AMDHD1: variants seen among roughly 807,000 people sequenced by gnomAD.
AMDHD1 encodes the protein amidohydrolase domain containing 1.
Under a neutral mutation model 44.1 loss-of-function variants are expected in AMDHD1, and 45 were observed. That is an observed-to-expected ratio of 1.02 (90% confidence interval 0.80 to 1.31). The LOEUF (loss-of-function observed/expected upper bound fraction) is 1.31. AMDHD1 is among the 50% of genes most tolerant of loss of function. AMDHD1 has a pLI of 0.00. For synonymous variants in AMDHD1, 206 were observed against 205.0 expected, an observed-to-expected ratio of 1.00 and a Z score of -0.04; for missense variants, 586 against 552.1, an observed-to-expected ratio of 1.06 and a Z score of -0.61.
chr12:95,966,604 C>G (rs567800823), intron 8 of AMDHD1, 96 bp downstream of exon 8: 2 of 1,435,590 alleles, frequency 1.4e-6, no homozygotes, highest in South Asian at 2.5e-5. Context: ...GTGTCAGACT[C>G]TGTCTGGACT....
intron 5 of AMDHD1, 56 bp from the exon 6 acceptor site, chr12:95,962,299 C>G: frequency 6.4e-7 from 1 of 1,572,492 alleles, no homozygotes; most frequent in Non-Finnish European, 8.6e-7. Context: ...AATGGAACTT[C>G]ATGGATTCGT....
In AMDHD1 at chr12:95,943,429, A is replaced by T. The variant is rs2080474993; in HGVS notation, c.31A>T (p.Asn11Tyr). 1.3e-6 allele frequency: 2 copies of T among 1,505,790 alleles called. No homozygotes were observed. Among genetic ancestry groups the T allele is most frequent in the Non-Finnish European group, 1.8e-6 (2 of 1,134,090 alleles). 93.3% of individuals were successfully genotyped at this position (1,505,790 alleles called of 1,614,324 possible). ...AAGCGGCCACAGCCTCCTGCTGGAG[A>T]ACGCGCAGCAAGTGGTGCTGGTGTG... Reference protein sequence around the residue: MASGHSLLLENAQQVVLVCAR... With the variant: MASGHSLLLEYAQQVVLVCAR... The change falls in exon 1 of 9, where the codon AAC becomes TAC. Residue 11 changes from asparagine (N) to tyrosine (Y), a missense_variant. Physicochemically the swap from Asn to Tyr is moderately radical, Grantham distance 143 (BLOSUM62 -2). Transcript: ENST00000266736.
chr12:95,956,901 G>A lies in AMDHD1; in HGVS notation c.526G>A (p.Ala176Thr), dbSNP rs1007205515. 1.2e-6 allele frequency: 2 copies of A among 1,613,284 alleles called. No homozygotes were observed. The highest frequency in any genetic ancestry group is 1.7e-6 in the Non-Finnish European group (2 of 1,180,012). The change falls in exon 4 of 9, where the codon GCC (alanine) becomes ACC (threonine). Residue 176 changes from alanine to threonine, a missense_variant. Coordinates refer to ENST00000266736, the MANE Select transcript of AMDHD1 (RefSeq NM_152435.3). ...ELKMLRVIER[A>T]RRELDIGISA... ...CAAGATGCTGCGCGTGATTGAGCGC[G>A]CCCGGCGGGAGCTGGACATCGGCAT... is the stretch of plus-strand genomic sequence containing the variant.
intron 6 of AMDHD1, among the ~76,000 whole-genome samples, chr12:95,964,297 C>G (rs1169400000): frequency 6.6e-6 from 1 of 152,154 alleles, no homozygotes; most frequent in Non-Finnish European, 1.5e-5. Flanking sequence ...CAGGAGAGAC[C>G]AGCAGGGCCC....
chr12:95,952,857 T>C, intron 2 of AMDHD1, 34 bp downstream of exon 2: 2 of 1,292,558 alleles, frequency 1.5e-6, no homozygotes, highest in Middle Eastern at 3.7e-4. Flanking sequence ...GGTCTACAAG[T>C]AGCTTTAACA....
At chr12:95,944,002 T>C (rs75497549) in intron 1 of AMDHD1, among the ~76,000 whole-genome samples, 31,882 of 152,132 alleles carry the variant, frequency 0.21, 3,872 homozygotes, top group East Asian at 0.45. Flanking sequence ...TTTCACATCC[T>C]CGTGATCTCG....
At chr12:95,960,333 A>C (rs2080574380) in intron 4 of AMDHD1, 65 bp from the exon 5 acceptor site, 1 of 1,452,086 alleles carries the variant, frequency 6.9e-7, no homozygotes, top group Admixed American at 1.9e-5. Flanking sequence ...CAAGTGCCAG[A>C]TTACCCTGTC....
chr12:95,950,228 C>A (rs11108348), intron 1 of AMDHD1, among the ~76,000 whole-genome samples: 2,420 of 152,292 alleles, frequency 0.016, 64 homozygotes, highest in African/African-American at 0.054. Context: ...GAAGAATTGT[C>A]TTAATCAGGA....
At chr12:95,952,899 CAGCTTATTTTAA>C in intron 2 of AMDHD1, 76 bp downstream of exon 2, 4 of 825,424 alleles carry the variant, frequency 4.8e-6, no homozygotes, top group Non-Finnish European at 8.0e-6. Context: ...GGAAGAGTAA[CAGCTTATTTTAA>C]AGTCTCAAAA....
intron 5 of AMDHD1, among the ~76,000 whole-genome samples, chr12:95,961,810 A>C (rs2136768553): frequency 6.6e-6 from 1 of 152,372 alleles, no homozygotes; most frequent in South Asian, 2.1e-4. Flanking sequence ...TCTGTTTCAG[A>C]AAATGTCTGA....
rs3051622 is a variant in AMDHD1 at position 95,961,144 on chromosome 12, C to CAAAAA, written c.813+528_813+532dup. ...TGGGGGACAGAGCAAGACTCCATCTCAAAAAAAAAAAGGAAAGAAAAGAAA... is the reference window on the plus strand; with the variant it reads ...TGGGGGACAGAGCAAGACTCCATCTCAAAAAAAAAAAAAAAAGGAAAGAAAAGAAA... On this transcript the variant is annotated intron_variant, in intron 5 of 8. Transcript: ENST00000266736. Among the ~76,000 whole-genome samples, 13 of 129,652 alleles carry CAAAAA rather than the reference C, an allele frequency of 1.0e-4. 1 individual carries two copies. Among genetic ancestry groups the CAAAAA allele is most frequent in the South Asian group, 4.9e-4 (2 of 4,114 alleles). 85.1% of individuals were successfully genotyped at this position (129,652 alleles called of 152,430 possible).
intron 1 of AMDHD1, among the ~76,000 whole-genome samples, chr12:95,951,147 A>C (rs1273092286): frequency 6.6e-6 from 1 of 152,092 alleles, no homozygotes; most frequent in East Asian, 1.9e-4. Context: ...GATTGTAGTC[A>C]CCCTGTTGTG....
At position 95,968,054 on chromosome 12, in the gene AMDHD1, T is replaced by TA; in HGVS notation, c.*215dup. On this transcript the variant is annotated 3_prime_UTR_variant, in exon 9 of 9. Transcript: ENST00000266736. ...TATAAACAGGTAAACCTATTGTGAT[T>TA]AAAATCACAAAACATCCAATTAGTT... The TA allele has an allele frequency of 2.9e-6, 1 of 339,342 alleles. No homozygotes were observed. Among genetic ancestry groups the TA allele is most frequent in the Non-Finnish European group, 5.3e-6 (1 of 188,158 alleles). The allele number at this position is 339,342 out of a possible 1,614,324, so 21.0% of individuals were successfully genotyped here.
At chr12:95,964,062 A>G (rs1474497015) in intron 6 of AMDHD1, among the ~76,000 whole-genome samples, 1 of 147,358 alleles carries the variant, frequency 6.8e-6, no homozygotes, top group African/African-American at 2.5e-5. Flanking sequence ...GCCTTTCTTT[A>G]ACTAGTCTTG....
chr12:95,964,518 G>A (rs924180802), intron 6 of AMDHD1, among the ~76,000 whole-genome samples: 4 of 152,000 alleles, frequency 2.6e-5, no homozygotes, highest in Non-Finnish European at 5.9e-5. Context: ...ATTTATGGAA[G>A]GGGGGGAGGG....
At chr12:95,956,399 C>T (rs2080549677) in intron 3 of AMDHD1, among the ~76,000 whole-genome samples, 1 of 152,144 alleles carries the variant, frequency 6.6e-6, no homozygotes, top group South Asian at 2.1e-4. Flanking sequence ...TGAGCCACCG[C>T]GCCAGGCCTC....
At chr12:95,961,128 G>A (rs1026979936) in intron 5 of AMDHD1, among the ~76,000 whole-genome samples, 2 of 125,494 alleles carry the variant, frequency 1.6e-5, no homozygotes, top group East Asian at 2.4e-4. Flanking sequence ...CTGGGGGACA[G>A]AGCAAGACTC....
intron 5 of AMDHD1, among the ~76,000 whole-genome samples, chr12:95,961,417 G>C (rs770911396): frequency 1.3e-5 from 2 of 152,112 alleles, no homozygotes; most frequent in African/African-American, 4.8e-5. Context: ...TGTGTGCCAG[G>C]CACTGTTTTA....
rs2080554896 is a variant in AMDHD1 at position 95,956,955 on chromosome 12, G to A, written c.580G>A (p.Val194Met). ...GGCTACCTACTGCGGGGCTCATTCA[G>A]TGCCTAAGTAATCTCAGCCAGTGGG... ...ISATYCGAHS[V>M]PKGKTATEAA... Residue 194 changes from valine (V) to methionine (M), a missense_variant, in exon 4 of 9, where the codon GTG (valine) becomes ATG (methionine). Transcript: ENST00000266736. 9.3e-6 allele frequency: 15 copies of A among 1,612,052 alleles called. No individual in the cohort carries two copies. The highest frequency in any genetic ancestry group is 1.3e-5 in the Non-Finnish European group (15 of 1,179,788).
Sources: allele counts gnomAD v4.1 joint callset (sites outside exome capture counted in the v4.1 genomes callset), GRCh38; gene constraint gnomAD v4.1.1; transcripts MANE v1.5; gene names NCBI Gene and HGNC (gene_info 2026-07-23, HGNC 2026-07-21).